NEK10: variants seen among roughly 807,000 people sequenced by gnomAD.
The protein encoded by NEK10 is serine/threonine-protein kinase Nek10.
In NEK10, 122 loss-of-function variants were observed where a neutral mutation model predicts 159.8. That is an observed-to-expected ratio of 0.76 (90% confidence interval 0.66 to 0.89). NEK10 has a LOEUF of 0.89. Among genes scored for constraint, NEK10 ranks in the 40% least tolerant of loss-of-function variants. NEK10 has a pLI of 0.00. For synonymous variants in NEK10, 466 were observed against 457.1 expected (o/e 1.02, Z -0.25); for missense variants, 1,342 against 1,323.1 (o/e 1.01, Z -0.22).
intron 23 of NEK10, among the ~76,000 whole-genome samples, chr3:27,205,656 T>C (rs1319262598): frequency 2.9e-5 from 4 of 139,784 alleles, no homozygotes; most frequent in Non-Finnish European, 4.6e-5. Context: ...GATAGCCATA[T>C]GTAGAAAGCT....
chr3:27,307,221 G>C (rs966274033), intron 11 of NEK10, among the ~76,000 whole-genome samples: 1 of 152,118 alleles, frequency 6.6e-6, no homozygotes, highest in Non-Finnish European at 1.5e-5. Flanking sequence ...GAATCCAAAA[G>C]GATTTACTAT....
Position 27,172,335 on chromosome 3 carries a change from A to G in NEK10, c.2777-462T>C, listed in dbSNP as rs1340370285. On this transcript the variant is annotated intron_variant, in intron 28 of 35. Transcript: ENST00000691995. Reference sequence around the variant, plus strand: ...GGTGACAGAGCGAGACCCCGTCTCAAAAAAAAAAAAAAAAAAAAAAAAAAC... The same window carrying G: ...GGTGACAGAGCGAGACCCCGTCTCAGAAAAAAAAAAAAAAAAAAAAAAAAC... Among the ~76,000 whole-genome samples the G allele has an allele frequency of 9.2e-4, 28 of 30,408 alleles. No homozygotes were observed. The African/African-American group carries it at 0.025, about 27-fold the overall frequency. The allele number at this position is 30,408 out of a possible 152,430, so 19.9% of individuals were successfully genotyped here. A position where few individuals can be genotyped will look rare whatever the true frequency, so the allele number is the denominator to read the frequency against.
At chr3:27,162,496 A>G in intron 30 of NEK10, 1 of 1,614,164 alleles carries the variant, frequency 6.2e-7, no homozygotes, top group Non-Finnish European at 8.5e-7. Flanking sequence ...CACAGCAGGA[A>G]GGCTATGGGA....
rs1939154202 is a variant in NEK10 at position 27,107,876 on chromosome 3, T to TTTCTAAA, written c.*3395_*3396insTTTAGAA. Among the ~76,000 whole-genome samples, 1 of 152,206 alleles carries TTTCTAAA rather than the reference T, an allele frequency of 6.6e-6. No individual in the cohort carries two copies. The highest frequency in any genetic ancestry group is 1.5e-5 in the Non-Finnish European group (1 of 68,034). On this transcript the variant is annotated 3_prime_UTR_variant, in exon 36 of 36. Transcript: ENST00000691995. ...CTAAAGGAACCCAGCATATTGACTG[T>TTTCTAAA]GCATGATTCCTCACCACTTCAAAAA...
intron 1 of NEK10, among the ~76,000 whole-genome samples, chr3:27,362,787 A>G (rs2048778427): frequency 6.6e-6 from 1 of 151,822 alleles, no homozygotes; most frequent in Non-Finnish European, 1.5e-5. Flanking sequence ...ATTAAATATG[A>G]CACTTATCTG....
In NEK10 at chr3:27,254,871, G is replaced by A. The variant is rs142070170; in HGVS notation, c.2090+1425C>T. On this transcript the variant is annotated intron_variant, in intron 23 of 35. Transcript: ENST00000691995. Reference sequence around the variant, plus strand: ...GCTAATACGGCAAAAAAGTTGGCATGTTTTGGATTTCTTCCTACGTATTCT... The same window carrying A: ...GCTAATACGGCAAAAAAGTTGGCATATTTTGGATTTCTTCCTACGTATTCT... Among the ~76,000 whole-genome samples, 159 of 151,480 alleles carry A rather than the reference G, an allele frequency of 1.0e-3. 1 individual carries two copies. Among genetic ancestry groups the A allele is most frequent in the Non-Finnish European group, 2.0e-3 (133 of 67,886 alleles).
intron 3 of NEK10, 40 bp from the exon 4 acceptor site, chr3:27,346,256 T>C: frequency 6.2e-7 from 1 of 1,609,632 alleles, no homozygotes. Flanking sequence ...GGATCACAAT[T>C]CAGCACGGGA....
chr3:27,209,113 T>C (rs901061659), intron 23 of NEK10, among the ~76,000 whole-genome samples: 2 of 151,458 alleles, frequency 1.3e-5, no homozygotes, highest in African/African-American at 4.8e-5. Context: ...CACTAAAAAA[T>C]AGGACAGCCA....
intron 1 of NEK10, among the ~76,000 whole-genome samples, chr3:27,365,670 T>C (rs1443939877): frequency 7.9e-6 from 1 of 127,262 alleles, no homozygotes; most frequent in African/African-American, 2.9e-5. Context: ...TGGAGTGCAG[T>C]AGCACGATCT....
chr3:27,174,298 A>C, intron 28 of NEK10, 141 bp downstream of exon 28: 1 of 1,268,420 alleles, frequency 7.9e-7, no homozygotes, highest in Non-Finnish European at 1.1e-6. Context: ...AGAGACAGAC[A>C]CATCTGTCCT....
chr3:27,291,274 G>T lies in NEK10; in HGVS notation c.1593C>A (p.Gly531=), dbSNP rs781748739. Residue 531 remains glycine, a synonymous_variant, in exon 18 of 36, where the codon GGC becomes GGA. Transcript: ENST00000691995. The part of the protein sequence containing the change: ...ILDHLGSGAF[G]CVYKVRKHSG... ...AGGGGAAAGTCACCTTGTAAACACA[G>T]CCAAAAGCTCCACTTCCAAGATGAT... The T allele has an allele frequency of 6.2e-7, 1 of 1,613,036 alleles. No homozygotes were observed. The highest frequency in any genetic ancestry group is 8.5e-7 in the Non-Finnish European group (1 of 1,179,678).
intron 16 of NEK10, among the ~76,000 whole-genome samples, chr3:27,292,601 A>T (rs11919439): frequency 1.1e-4 from 16 of 151,774 alleles, no homozygotes; most frequent in Non-Finnish European, 1.6e-4. Context: ...TGGGAGGCCA[A>T]GGCGGGTGGA....
At chr3:27,308,358 T>G (rs542946) in intron 10 of NEK10, among the ~76,000 whole-genome samples, 99,880 of 152,038 alleles carry the variant, frequency 0.66, 34,963 homozygotes, top group African/African-American at 0.91. Context: ...TGAGATTTGG[T>G]TGGGGACACA....
At chr3:27,231,786 T>A in intron 23 of NEK10, among the ~76,000 whole-genome samples, 1 of 150,672 alleles carries the variant, frequency 6.6e-6, no homozygotes, top group Non-Finnish European at 1.5e-5. Flanking sequence ...CTCTCCGAGA[T>A]CAAATAAGAA....
intron 9 of NEK10, 105 bp downstream of exon 9, chr3:27,310,844 G>C (rs1336046669): frequency 3.1e-6 from 2 of 655,356 alleles, no homozygotes; most frequent in Non-Finnish European, 5.4e-6. Flanking sequence ...TGGTAGGTTT[G>C]TGGATTCTAA....
intron 1 of NEK10, among the ~76,000 whole-genome samples, chr3:27,365,588 GTTTTTTGTGTTTT>G (rs2048997766): frequency 8.6e-6 from 1 of 116,312 alleles, no homozygotes; most frequent in African/African-American, 3.1e-5. Context: ...TTTTGTTTTG[GTTTTTTGTGTTTT>G]TTTTTTGTGT....
intron 1 of NEK10, among the ~76,000 whole-genome samples, chr3:27,354,912 T>C (rs1391071260): frequency 6.6e-6 from 1 of 152,182 alleles, no homozygotes; most frequent in Non-Finnish European, 1.5e-5. Flanking sequence ...TCTCTTGTGG[T>C]AGTGACTCCA....
intron 35 of NEK10, among the ~76,000 whole-genome samples, 187 bp from the exon 36 acceptor site, chr3:27,111,507 G>C (rs961547143): frequency 7.9e-5 from 12 of 152,114 alleles, no homozygotes; most frequent in African/African-American, 2.9e-4. Flanking sequence ...TGCTAACAAG[G>C]CCTTTCTCAA....
At chr3:27,135,898 A>T (rs1943140868) in intron 31 of NEK10, among the ~76,000 whole-genome samples, 1 of 152,200 alleles carries the variant, frequency 6.6e-6, no homozygotes, top group East Asian at 1.9e-4. Flanking sequence ...ATGAGCAGGT[A>T]TGGATGGTTC....
Sources: allele counts gnomAD v4.1 joint callset (sites outside exome capture counted in the v4.1 genomes callset), GRCh38; gene constraint gnomAD v4.1.1; transcripts MANE v1.5; gene names NCBI Gene and HGNC (gene_info 2026-07-23, HGNC 2026-07-21).